Variants in YTHDC2 observed in about 807,000 individuals in gnomAD.
The protein encoded by YTHDC2 is YTH N6-methyladenosine RNA binding protein C2.
In YTHDC2, 45 loss-of-function variants were observed where a neutral mutation model predicts 174.9. The ratio of observed to expected loss-of-function variants is 0.26; its 90% CI spans 0.20 to 0.33. The LOEUF is 0.33. Among genes scored for constraint, YTHDC2 ranks in the 10% least tolerant of loss-of-function variants. The pLI, the probability that YTHDC2 is intolerant of heterozygous loss-of-function variation, is 1.00. For missense variants in YTHDC2, 1,650 were observed against 1,723.7 expected, an observed-to-expected ratio of 0.96 and a Z score of 0.76; for synonymous variants, 657 against 574.5, an observed-to-expected ratio of 1.14 and a Z score of -2.05.
intron 17 of YTHDC2, among the ~76,000 whole-genome samples, chr5:113,557,182 A>G (rs1003214610): frequency 2.4e-4 from 36 of 152,348 alleles, no homozygotes; most frequent in Admixed American, 7.8e-4. Flanking sequence ...TCTTGGAGTA[A>G]GGAGACAATT....
At chr5:113,515,388 T>A (rs1773342264) in intron 2 of YTHDC2, 26 bp downstream of exon 2, 1 of 1,576,988 alleles carries the variant, frequency 6.3e-7, no homozygotes, top group Non-Finnish European at 8.6e-7. Context: ...TTCTTATTTT[T>A]TTTAAAAAAG....
chr5:113,576,187 C>T (rs1314781051), intron 23 of YTHDC2, among the ~76,000 whole-genome samples: 2 of 152,006 alleles, frequency 1.3e-5, no homozygotes, highest in Non-Finnish European at 2.9e-5. Flanking sequence ...TGGAAGTCAT[C>T]AGCTTGTAAA....
At chr5:113,581,830 G>A in intron 25 of YTHDC2, 121 bp downstream of exon 25, 2 of 845,500 alleles carry the variant, frequency 2.4e-6, no homozygotes, top group Non-Finnish European at 3.2e-6. Context: ...TAAGATCCAT[G>A]AAAAGATAGC....
chr5:113,530,882 A>G (rs73240957), intron 4 of YTHDC2, among the ~76,000 whole-genome samples: 2,260 of 152,302 alleles, frequency 0.015, 60 homozygotes, highest in African/African-American at 0.051. Flanking sequence ...ACTGACAACA[A>G]ATTCCCTCAA....
At chr5:113,535,044 G>A (rs1167766928) in intron 6 of YTHDC2, among the ~76,000 whole-genome samples, 2 of 152,264 alleles carry the variant, frequency 1.3e-5, no homozygotes, top group Middle Eastern at 3.4e-3. Context: ...TGTATTAAAA[G>A]CACATTAAAT....
chr5:113,535,587 C>G (rs1434277186), intron 6 of YTHDC2, 55 bp from the exon 7 acceptor site: 1 of 1,461,668 alleles, frequency 6.8e-7, no homozygotes, highest in Admixed American at 2.3e-5. Flanking sequence ...TTTTTAAAGA[C>G]TTAGTCATCA....
chr5:113,538,937 AATATT>A (rs1191121414), intron 7 of YTHDC2, 132 bp from the exon 8 acceptor site: 1 of 474,538 alleles, frequency 2.1e-6, no homozygotes, highest in Non-Finnish European at 3.7e-6. Flanking sequence ...GTTAAAGGAC[AATATT>A]ATAAGAGTCA....
chr5:113,581,564 G>T lies in YTHDC2; in HGVS notation c.3502G>T (p.Gly1168Cys), dbSNP rs761150438. 6.2e-7 allele frequency: 1 copy of T among 1,614,048 alleles called. No individual in the cohort carries two copies. Among genetic ancestry groups the T allele is most frequent in the Non-Finnish European group, 8.5e-7 (1 of 1,179,942 alleles). Residue 1168 changes from glycine to cysteine, a missense_variant, in exon 25 of 30, where the codon GGT (glycine) becomes TGT (cysteine). Physicochemically the swap from Gly to Cys is radical, Grantham distance 159. Around this residue, in one of 5 missense-constraint regions of YTHDC2, gnomAD observed 913 missense variants for 940.4 expected, o/e 0.97. Transcript: ENST00000161863. ...TTTAAGCACTGAAGAACAGTCTGCAGGTTTACAACAACCATCTGGGATTGG... is the reference window on the plus strand; with the variant it reads ...TTTAAGCACTGAAGAACAGTCTGCATGTTTACAACAACCATCTGGGATTGG... ...AVLSTEEQSA[G>C]LQQPSGIGQR...
At position 113,584,319 on chromosome 5, in the gene YTHDC2, C is replaced by T. The variant is rs1166199060; in HGVS notation, c.3665C>T (p.Pro1222Leu). ...TTAERVLMKS[P>L]SPALHPPQKY... ...TGCTCAAGAGTACTGATGAAATCTC[C>T]ATCTCCAGCATTACACCCACCTCAG... The change falls in exon 26 of 30, where the codon CCA becomes CTA. Residue 1222 changes from proline (P) to leucine (L), a missense_variant. Coordinates refer to ENST00000161863, the MANE Select transcript of YTHDC2 (RefSeq NM_022828.5). The T allele has an allele frequency of 5.6e-6, 9 of 1,611,644 alleles. No individual in the cohort carries two copies. The highest frequency in any genetic ancestry group is 7.6e-6 in the Non-Finnish European group (9 of 1,178,890).
At chr5:113,587,610 T>TTA (rs1279907254) in intron 26 of YTHDC2, among the ~76,000 whole-genome samples, 2 of 145,708 alleles carry the variant, frequency 1.4e-5, no homozygotes, top group African/African-American at 5.0e-5. Context: ...TGACATATTA[T>TTA]TATATATATA....
intron 20 of YTHDC2, 50 bp from the exon 21 acceptor site, chr5:113,565,843 A>G (rs763245698): frequency 1.3e-6 from 2 of 1,572,332 alleles, no homozygotes; most frequent in Non-Finnish European, 1.7e-6. Context: ...TGCCTCACTA[A>G]GAAGCGATTA....
At position 113,592,119 on chromosome 5, in the gene YTHDC2, C is replaced by A; in HGVS notation, c.4153C>A (p.His1385Asn). The A allele has an allele frequency of 6.2e-7, 1 of 1,612,938 alleles. No homozygotes were observed. The highest frequency in any genetic ancestry group is 8.5e-7 in the Non-Finnish European group (1 of 1,179,494). ...RKESLPFQFA[H>N]HLLNPWNDNK... ...AGAAAGCCTTCCCTTTCAATTTGCA[C>A]ACCATTTACTCAATCCATGGAATGA... The change falls in exon 28 of 30, where the codon CAC becomes AAC. Residue 1385 changes from histidine to asparagine, a missense_variant. Around this residue, in one of 5 missense-constraint regions of YTHDC2, gnomAD observed 913 missense variants for 940.4 expected, o/e 0.97. Coordinates refer to ENST00000161863, the MANE Select transcript of YTHDC2 (RefSeq NM_022828.5).
chr5:113,514,789 C>T (rs1006350118), intron 1 of YTHDC2, among the ~76,000 whole-genome samples: 1 of 152,126 alleles, frequency 6.6e-6, no homozygotes, highest in African/African-American at 2.4e-5. Context: ...TATAACAAAT[C>T]CCTCTGAAAT....
At chr5:113,537,144 G>A (rs1335257606) in intron 7 of YTHDC2, among the ~76,000 whole-genome samples, 1 of 152,092 alleles carries the variant, frequency 6.6e-6, no homozygotes, top group Admixed American at 6.5e-5. Context: ...AAGTGAATTT[G>A]CTAAATAAGA....
At chr5:113,556,991 G>T (rs1457860198) in intron 17 of YTHDC2, among the ~76,000 whole-genome samples, 3 of 152,010 alleles carry the variant, frequency 2.0e-5, no homozygotes, top group Non-Finnish European at 4.4e-5. Context: ...TATATGGAAT[G>T]AGTTTTCAGG....
At chr5:113,560,323 C>A (rs374569539) in intron 17 of YTHDC2, among the ~76,000 whole-genome samples, 8 of 152,214 alleles carry the variant, frequency 5.3e-5, no homozygotes, top group African/African-American at 1.9e-4. Flanking sequence ...TCATCACTTA[C>A]AAAAGTGTCT....
chr5:113,563,551 AG>A, intron 19 of YTHDC2, 59 bp downstream of exon 19: 3 of 1,514,164 alleles, frequency 2.0e-6, no homozygotes, highest in Admixed American at 2.2e-5. Flanking sequence ...TTAAACTAAA[AG>A]GAAATATGTC....
chr5:113,570,203 TCTC>T (rs1160857412), intron 23 of YTHDC2, among the ~76,000 whole-genome samples: 1 of 152,060 alleles, frequency 6.6e-6, no homozygotes, highest in Non-Finnish European at 1.5e-5. Context: ...TTCAAGCAAT[TCTC>T]CTGCCTGAGA....
chr5:113,573,955 C>A (rs1172427792), intron 23 of YTHDC2, among the ~76,000 whole-genome samples: 1 of 152,168 alleles, frequency 6.6e-6, no homozygotes, highest in Non-Finnish European at 1.5e-5. Context: ...CTGAAGCCTA[C>A]TTCTGTCATT....
Sources: gnomAD v4.1 joint callset for allele counts (sites outside exome capture counted in the v4.1 genomes callset) on GRCh38, gnomAD v4.1.1 for gene constraint, gnomAD v4.1.1 regional missense constraint, MANE v1.5 for transcripts, NCBI Gene and HGNC (gene_info 2026-07-23, HGNC 2026-07-21) for gene names.